The following HDAC4 variants were observed in gnomAD, a reference collection of about 807,000 sequenced individuals.
HDAC4 encodes histone deacetylase A.
Under a neutral mutation model 135.1 loss-of-function variants are expected in HDAC4, and 16 were observed. The observed-to-expected ratio is 0.12, with a 90% confidence interval of 0.08 to 0.18. HDAC4 has a LOEUF of 0.18. Ranked by LOEUF, HDAC4 falls within the 10% of genes least tolerant of loss-of-function variation. The pLI is 1.00. For synonymous variants in HDAC4, 685 were observed against 653.4 expected, an observed-to-expected ratio of 1.05 and a Z score of -0.74; for missense variants, 1,143 against 1,511.8, an observed-to-expected ratio of 0.76 and a Z score of 4.05.
intron 1 of HDAC4, among the ~76,000 whole-genome samples, chr2:239,365,207 G>T (rs1166946127): frequency 6.6e-6 from 1 of 152,170 alleles, no homozygotes; most frequent in African/African-American, 2.4e-5. Flanking sequence ...TCTGGCTATT[G>T]TGTTTTATAA....
intron 2 of HDAC4, among the ~76,000 whole-genome samples, chr2:239,333,539 T>C (rs1028685684): frequency 6.6e-6 from 1 of 151,992 alleles, no homozygotes; most frequent in Non-Finnish European, 1.5e-5. Flanking sequence ...CAACAGTATA[T>C]AAAAAGAATA....
Position 239,082,091 on chromosome 2 carries a change from A to G in HDAC4, c.2652+11T>C, listed in dbSNP as rs764834066. On this transcript the variant is annotated intron_variant, in intron 21 of 26. Transcript: ENST00000543185. ...CCTTTCCCCCCAGAGGCCCTTATAT[A>G]CCCCACCTACCTCATCAGGAGCCCC... 4 of 1,612,942 alleles carry G rather than the reference A, an allele frequency of 2.5e-6. No homozygotes were observed. The highest frequency in any genetic ancestry group is 3.4e-6 in the Non-Finnish European group (4 of 1,179,678).
At chr2:239,185,752 C>A (rs1200998663) in intron 4 of HDAC4, among the ~76,000 whole-genome samples, 1 of 152,096 alleles carries the variant, frequency 6.6e-6, no homozygotes, top group South Asian at 2.1e-4. Context: ...AGAGAGAGGC[C>A]GGGCGCAGTG....
At chr2:239,312,796 C>T (rs2052946974) in intron 2 of HDAC4, among the ~76,000 whole-genome samples, 2 of 152,214 alleles carry the variant, frequency 1.3e-5, no homozygotes. Flanking sequence ...GCCCAGCTGC[C>T]GTGGCGCCGG....
chr2:239,068,824 C>T lies in HDAC4; in HGVS notation c.2751-217G>A, dbSNP rs1384648805. On this transcript the variant is annotated intron_variant, in intron 22 of 26. Transcript: ENST00000543185. The surrounding 1 kb of genome is among the most constrained non-coding windows in gnomAD (Gnocchi z 4.4). The stretch of plus-strand genomic sequence containing the variant: ...GATCCAGGCTCATTTCACATCTTCA[C>T]AGTGCAAGCCAGCAAGCCCCACGAC... 3.3e-6 allele frequency: 2 copies of T among 604,178 alleles called. No homozygotes were observed. The highest frequency in any genetic ancestry group is 6.1e-6 in the Non-Finnish European group (2 of 326,778). 37.4% of individuals were successfully genotyped at this position (604,178 alleles called of 1,614,324 possible).
chr2:239,311,994 G>A (rs1255655171), intron 2 of HDAC4, among the ~76,000 whole-genome samples: 1 of 152,180 alleles, frequency 6.6e-6, no homozygotes, highest in African/African-American at 2.4e-5. Flanking sequence ...ACTAACATGA[G>A]GAAGGGGAAA....
chr2:239,332,348 G>A (rs1287486562), intron 2 of HDAC4, among the ~76,000 whole-genome samples: 1 of 152,082 alleles, frequency 6.6e-6, no homozygotes, highest in Non-Finnish European at 1.5e-5. Context: ...AATCAATAAA[G>A]CAAAATTCAA....
At chr2:239,252,068 T>C (rs911833489) in intron 2 of HDAC4, among the ~76,000 whole-genome samples, 46 of 152,218 alleles carry the variant, frequency 3.0e-4, no homozygotes, top group African/African-American at 1.1e-3. Context: ...TGCTGTTGGA[T>C]GTTCACTACG....
intron 13 of HDAC4, among the ~76,000 whole-genome samples, chr2:239,113,451 C>A (rs932931056): frequency 5.9e-5 from 9 of 152,220 alleles, no homozygotes; most frequent in African/African-American, 1.9e-4. Flanking sequence ...CCGACGCGGG[C>A]TGGAGGTGCC....
intron 9 of HDAC4, among the ~76,000 whole-genome samples, chr2:239,137,096 T>C (rs1254398099): frequency 2.6e-5 from 4 of 152,208 alleles, no homozygotes; most frequent in Non-Finnish European, 5.9e-5. Context: ...TTCATTTCCT[T>C]TGTAAGCAAG....
chr2:239,251,249 G>T (rs948313410), intron 2 of HDAC4, among the ~76,000 whole-genome samples: 10 of 152,320 alleles, frequency 6.6e-5, no homozygotes, highest in Middle Eastern at 3.4e-3. Context: ...GAAGATGGGG[G>T]AGACACACAG....
intron 3 of HDAC4, among the ~76,000 whole-genome samples, chr2:239,204,586 C>T (rs1261120178): frequency 6.6e-6 from 1 of 152,206 alleles, no homozygotes; most frequent in African/African-American, 2.4e-5. Context: ...GGCCCAAGAA[C>T]CCCTGCTTTC....
chr2:239,262,910 G>A lies in HDAC4; in HGVS notation c.23-26246C>T, dbSNP rs913529581. On this transcript the variant is annotated intron_variant, in intron 2 of 26. Transcript: ENST00000543185. The surrounding 1 kb of genome is among the most constrained non-coding windows in gnomAD (Gnocchi z 4.1). ...AGTGGATCCCTCACTGGAAGGTCAC[G>A]GCACCACTGAGACAGCCTGGAAGCT... Among the ~76,000 whole-genome samples the A allele has an allele frequency of 1.3e-5, 2 of 152,064 alleles. No individual in the cohort carries two copies.
intron 3 of HDAC4, among the ~76,000 whole-genome samples, chr2:239,229,332 G>A (rs890377026): frequency 6.6e-5 from 10 of 152,186 alleles, no homozygotes; most frequent in African/African-American, 2.4e-4. Flanking sequence ...GCAGACTCCT[G>A]CGTCTGGCCT....
chr2:239,092,623 C>T (rs2036622280), intron 17 of HDAC4, among the ~76,000 whole-genome samples: 1 of 152,148 alleles, frequency 6.6e-6, no homozygotes, highest in Non-Finnish European at 1.5e-5. Context: ...GGACAAAGCC[C>T]CAGCCAAACT....
In HDAC4 at chr2:239,159,143, AACT is replaced by A. The variant is rs1286322348; in HGVS notation, c.612-2373_612-2371del. ...ACCCACTCACACCTGCAGCTCACCC[AACT>A]ACTCACACCTGCACCTCACTACTAC... On this transcript the variant is annotated intron_variant, in intron 6 of 26. Coordinates refer to ENST00000543185, the MANE Select transcript of HDAC4 (RefSeq NM_001378414.1). Among the ~76,000 whole-genome samples the A allele has an allele frequency of 5.5e-5, 8 of 146,662 alleles. No individual in the cohort carries two copies. The East Asian group carries it at 1.3e-3, about 23-fold the overall frequency.
chr2:239,356,333 C>G (rs566777957), intron 1 of HDAC4, among the ~76,000 whole-genome samples: 1 of 152,256 alleles, frequency 6.6e-6, no homozygotes, highest in Non-Finnish European at 1.5e-5. Flanking sequence ...CAAACTGTCT[C>G]AACACCCCAT....
intron 12 of HDAC4, among the ~76,000 whole-genome samples, chr2:239,122,070 G>A (rs1391243558): frequency 6.6e-6 from 1 of 152,222 alleles, no homozygotes; most frequent in Non-Finnish European, 1.5e-5. Flanking sequence ...AAGTCAGGCT[G>A]GAGTTCACGG....
chr2:239,095,173 G>T, intron 16 of HDAC4, 117 bp from the exon 17 acceptor site: 2 of 1,056,102 alleles, frequency 1.9e-6, no homozygotes, highest in Non-Finnish European at 2.9e-6. Context: ...GGACAACGAG[G>T]GGCCACTGCT....
Sources: allele counts gnomAD v4.1 joint callset (sites outside exome capture counted in the v4.1 genomes callset), GRCh38; gene constraint gnomAD v4.1.1; non-coding constraint Gnocchi (gnomAD v3.1); transcripts MANE v1.5; gene names NCBI Gene and HGNC (gene_info 2026-07-23, HGNC 2026-07-21).